The following MAST4 variants were observed in gnomAD, a reference collection of about 807,000 sequenced individuals.
MAST4 encodes microtubule associated serine/threonine kinase family member 4.
Under a neutral mutation model 162.7 loss-of-function variants are expected in MAST4, and 89 were observed. The observed-to-expected ratio is 0.55, with a 90% CI of 0.46 to 0.65. The LOEUF (loss-of-function observed/expected upper bound fraction) is 0.65. Ranked by LOEUF, MAST4 falls within the 30% of genes least tolerant of loss-of-function variation. MAST4 has a pLI of 0.00. For synonymous variants in MAST4, 1,479 were observed against 1,361.1 expected (o/e 1.09, Z -1.91); for missense variants, 3,153 against 3,374.0 (o/e 0.93, Z 1.62).
intron 5 of MAST4, among the ~76,000 whole-genome samples, chr5:67,079,840 A>G (rs751848702): frequency 1.2e-4 from 18 of 152,224 alleles, no homozygotes; most frequent in Non-Finnish European, 1.5e-4. Context: ...CCTTACCACC[A>G]TGAACACAAA....
In MAST4 at chr5:66,596,625, G is replaced by A. The variant is rs758726520; in HGVS notation, c.-31G>A. The stretch of plus-strand genomic sequence containing the variant: ...GCTGAGTGCGCGCCGCGCCCCCGCC[G>A]CTCGGGAGGCACTTTGGGCCAGACA... On this transcript the variant is annotated 5_prime_UTR_variant, in exon 1 of 29. Transcript: ENST00000403625. 2 of 1,401,090 alleles carry A rather than the reference G, an allele frequency of 1.4e-6. No individual in the cohort carries two copies. The highest frequency in any genetic ancestry group is 9.3e-7 in the Non-Finnish European group (1 of 1,079,912). 86.8% of individuals were successfully genotyped at this position (1,401,090 alleles called of 1,614,324 possible).
intron 4 of MAST4, among the ~76,000 whole-genome samples, chr5:66,988,567 T>A (rs1438265480): frequency 1.3e-5 from 2 of 152,182 alleles, no homozygotes; most frequent in African/African-American, 2.4e-5. Flanking sequence ...AGTACTATTA[T>A]CCCCATTTTA....
intron 3 of MAST4, among the ~76,000 whole-genome samples, chr5:66,891,422 T>C (rs764652209): frequency 6.6e-6 from 1 of 152,202 alleles, no homozygotes; most frequent in African/African-American, 2.4e-5. Flanking sequence ...TTCTCTCCCA[T>C]GTTGCCCTCC....
intron 1 of MAST4, among the ~76,000 whole-genome samples, chr5:66,655,415 C>T (rs1416282624): frequency 6.6e-6 from 1 of 152,076 alleles, no homozygotes. Flanking sequence ...TAAAAGATGA[C>T]AAAGAGCCAG....
chr5:67,113,064 A>G (rs1581604142), intron 11 of MAST4, among the ~76,000 whole-genome samples: 2 of 152,182 alleles, frequency 1.3e-5, no homozygotes, highest in Admixed American at 1.3e-4. Flanking sequence ...CTGTAATCCC[A>G]GCACTTTGGG....
chr5:66,872,376 G>T (rs1315185406), intron 3 of MAST4, among the ~76,000 whole-genome samples: 2 of 152,080 alleles, frequency 1.3e-5, no homozygotes, highest in Non-Finnish European at 2.9e-5. Flanking sequence ...CACCATGTTG[G>T]CCAGGCTGGT....
At chr5:67,098,413 A>G (rs1237682052) in intron 7 of MAST4, among the ~76,000 whole-genome samples, 2 of 152,190 alleles carry the variant, frequency 1.3e-5, no homozygotes, top group Non-Finnish European at 2.9e-5. Flanking sequence ...TAATTTTGAA[A>G]TAAGTACTAC....
chr5:66,618,035 G>A (rs566213111), intron 1 of MAST4, among the ~76,000 whole-genome samples: 1 of 142,312 alleles, frequency 7.0e-6, no homozygotes, highest in African/African-American at 2.8e-5. Flanking sequence ...GGGAGGAATG[G>A]GGGGGGGGCC....
chr5:66,998,227 T>G (rs1304173852), intron 4 of MAST4, among the ~76,000 whole-genome samples: 1 of 152,204 alleles, frequency 6.6e-6, no homozygotes, highest in Non-Finnish European at 1.5e-5. Context: ...TAATTCATGC[T>G]CAAGAGCTGT....
intron 3 of MAST4, among the ~76,000 whole-genome samples, chr5:66,789,155 A>G (rs1755265752): frequency 6.6e-6 from 1 of 152,192 alleles, no homozygotes; most frequent in Non-Finnish European, 1.5e-5. Context: ...CACCTTGCCC[A>G]ATTAGCTTCA....
chr5:67,136,707 A>G (rs558103726), intron 19 of MAST4, 43 bp downstream of exon 19: 1 of 1,441,702 alleles, frequency 6.9e-7, no homozygotes, highest in African/African-American at 1.4e-5. Context: ...TGCAAGAAAT[A>G]ATGTCTACAT....
chr5:66,850,408 A>T (rs1266796887), intron 3 of MAST4, among the ~76,000 whole-genome samples: 4 of 152,252 alleles, frequency 2.6e-5, no homozygotes, highest in African/African-American at 9.6e-5. Context: ...GTCTACACGT[A>T]GCCGATGCTT....
chr5:67,135,854 T>G (rs1180334190), intron 18 of MAST4, among the ~76,000 whole-genome samples: 1 of 152,200 alleles, frequency 6.6e-6, no homozygotes, highest in East Asian at 1.9e-4. Flanking sequence ...CACACAGAAA[T>G]AACTCATGTT....
Position 67,134,584 on chromosome 5 carries a change from C to T in MAST4, c.2288C>T (p.Pro763Leu), listed in dbSNP as rs1332677029. Residue 763 changes from proline (P) to leucine (L), a missense_variant, in exon 18 of 29, where the codon CCG becomes CTG. Pro to Leu is a moderately conservative substitution (Grantham distance 98). Transcript: ENST00000403625. ...ATTCTGAGGCAGGGTTATGGAAAGC[C>T]GGTGGACTGGTGGGCCATGGGGATT... Reference protein sequence around the residue: ...EVILRQGYGKPVDWWAMGIIL... With the variant: ...EVILRQGYGKLVDWWAMGIIL... 3 of 1,613,484 alleles carry T rather than the reference C, an allele frequency of 1.9e-6. No homozygotes were observed. Among genetic ancestry groups the T allele is most frequent in the Non-Finnish European group, 2.5e-6 (3 of 1,179,688 alleles).
Position 67,166,471 on chromosome 5 carries a change from C to T in MAST4, c.7292C>T (p.Ala2431Val), listed in dbSNP as rs760955456. ...GGTCCCCAGAAGCCACCGACGGAGG[C>T]AGACAAGCCCAATGGCATGAAACGG... ...GPGPQKPPTEADKPNGMKRSP... is the reference protein window; with the variant it reads ...GPGPQKPPTEVDKPNGMKRSP... The change falls in exon 29 of 29, where the codon GCA (alanine) becomes GTA (valine). Residue 2431 changes from alanine (A) to valine (V), a missense_variant. Transcript: ENST00000403625. The T allele has an allele frequency of 6.2e-6, 10 of 1,602,422 alleles. No individual in the cohort carries two copies. In the South Asian group the frequency reaches 1.1e-4, roughly 18 times the overall value.
chr5:67,008,892 G>A (rs953758208), intron 4 of MAST4, among the ~76,000 whole-genome samples: 6 of 152,154 alleles, frequency 3.9e-5, no homozygotes, highest in Non-Finnish European at 7.3e-5. Context: ...CTTCCCTTCA[G>A]ATACATCTGT....
chr5:67,163,822 A>G lies in MAST4; in HGVS notation c.4643A>G (p.Gln1548Arg), dbSNP rs1291346572. ...AAAGCAGACGGCTTCCCAGAGAAAC[A>G]GGAATCCCACCAGAAATCCCATGGA... ...VKKADGFPEK[Q>R]ESHQKSHGPG... is the part of the protein sequence containing the mutation. The change falls in exon 29 of 29, where the codon CAG (glutamine) becomes CGG (arginine). Residue 1548 changes from glutamine (Q) to arginine (R), a missense_variant. This residue lies in a region of MAST4 where 1,644 missense variants were observed against 1,495.0 expected (regional missense o/e 1.10). Coordinates refer to ENST00000403625, the MANE Select transcript of MAST4 (RefSeq NM_001164664.2). This position sits in a 1 kb window ranked among gnomAD's most constrained non-coding sequence, Gnocchi z 7.0. The G allele has an allele frequency of 1.2e-6, 2 of 1,613,324 alleles. No individual in the cohort carries two copies. The highest frequency in any genetic ancestry group is 1.7e-6 in the Non-Finnish European group (2 of 1,179,596).
chr5:67,069,158 G>GAT (rs1251127746), intron 5 of MAST4, among the ~76,000 whole-genome samples: 7 of 151,784 alleles, frequency 4.6e-5, no homozygotes, highest in Non-Finnish European at 8.8e-5. Context: ...TTTATCCTTA[G>GAT]ATATAAAGAA....
At chr5:67,155,685 G>A (rs1772398620) in intron 26 of MAST4, among the ~76,000 whole-genome samples, 1 of 152,100 alleles carries the variant, frequency 6.6e-6, no homozygotes, top group Admixed American at 6.5e-5. Flanking sequence ...CCATCAAATA[G>A]CTTGATTACC....
Sources: allele counts gnomAD v4.1 joint callset (sites outside exome capture counted in the v4.1 genomes callset), GRCh38; gene constraint gnomAD v4.1.1; regional missense constraint gnomAD v4.1.1; non-coding constraint Gnocchi (gnomAD v3.1); transcripts MANE v1.5; gene names NCBI Gene and HGNC (gene_info 2026-07-23, HGNC 2026-07-21).